Variants in PTPRD observed in about 807,000 individuals in gnomAD.
The protein encoded by PTPRD is protein tyrosine phosphatase receptor type D.
PTPRD carries 34 observed loss-of-function variants against 214.5 expected under a neutral mutation model. That is an observed-to-expected ratio of 0.16 (90% CI 0.12 to 0.21). PTPRD has a LOEUF of 0.21. PTPRD is among the 10% of genes least tolerant of loss of function. The pLI is 1.00. For synonymous variants in PTPRD, 1,128 were observed against 845.7 expected (o/e 1.33, Z -5.79); for missense variants, 2,545 against 2,398.7 (o/e 1.06, Z -1.27).
At chr9:9,236,547 A>C (rs909490575) in intron 9 of PTPRD, among the ~76,000 whole-genome samples, 3 of 150,976 alleles carry the variant, frequency 2.0e-5, no homozygotes, top group Non-Finnish European at 4.4e-5. Context: ...CCCCAGATTT[A>C]AAATTCCCTT....
At chr9:9,763,795 C>A (rs1460471597) in intron 6 of PTPRD, among the ~76,000 whole-genome samples, 1 of 151,954 alleles carries the variant, frequency 6.6e-6, no homozygotes, top group Non-Finnish European at 1.5e-5. Flanking sequence ...GTTTATTAAC[C>A]CCTAAGTACT....
intron 37 of PTPRD, among the ~76,000 whole-genome samples, chr9:8,388,035 A>G (rs2087842576): frequency 6.6e-6 from 1 of 152,160 alleles, no homozygotes; most frequent in South Asian, 2.1e-4. Flanking sequence ...ATATTTCAAC[A>G]TCTCTATACA....
intron 2 of PTPRD, among the ~76,000 whole-genome samples, chr9:10,524,301 G>T (rs116735712): frequency 0.017 from 2,622 of 152,090 alleles, 81 homozygotes; most frequent in African/African-American, 0.06. Context: ...CCGAGGCAGC[G>T]CAAAATGTGG....
intron 3 of PTPRD, among the ~76,000 whole-genome samples, chr9:10,136,418 C>G (rs914736822): frequency 1.3e-5 from 2 of 152,052 alleles, no homozygotes; most frequent in African/African-American, 2.4e-5. Flanking sequence ...ACCTAACAAC[C>G]GCAAAGTACA....
intron 11 of PTPRD, among the ~76,000 whole-genome samples, chr9:8,819,531 C>T (rs971285045): frequency 4.0e-5 from 6 of 151,886 alleles, no homozygotes; most frequent in South Asian, 2.1e-4. Context: ...CGAGGTGGCA[C>T]ATGCCTGTAG....
intron 11 of PTPRD, among the ~76,000 whole-genome samples, chr9:9,010,573 T>C (rs2099507097): frequency 2.0e-5 from 3 of 152,238 alleles, no homozygotes; most frequent in Non-Finnish European, 4.4e-5. Flanking sequence ...TGTTTTCACA[T>C]GTTGCTTTTC....
chr9:9,331,502 T>C, intron 9 of PTPRD, among the ~76,000 whole-genome samples: 1 of 152,000 alleles, frequency 6.6e-6, no homozygotes, highest in Non-Finnish European at 1.5e-5. Flanking sequence ...AATAAAGATT[T>C]CCCTTAAAAG....
chr9:8,731,924 G>C (rs1208644549), intron 12 of PTPRD, among the ~76,000 whole-genome samples: 3 of 152,182 alleles, frequency 2.0e-5, no homozygotes, highest in Non-Finnish European at 4.4e-5. Flanking sequence ...GCTATAATGG[G>C]AGGAGTGAGA....
At chr9:9,022,478 G>A (rs1292408971) in intron 10 of PTPRD, among the ~76,000 whole-genome samples, 1 of 152,084 alleles carries the variant, frequency 6.6e-6, no homozygotes, top group Non-Finnish European at 1.5e-5. Flanking sequence ...ATGTGTTAGA[G>A]TTGCTTACAG....
chr9:9,093,388 T>C (rs1363071806), intron 10 of PTPRD, among the ~76,000 whole-genome samples: 2 of 152,056 alleles, frequency 1.3e-5, no homozygotes, highest in African/African-American at 4.8e-5. Context: ...ACATAGTTTA[T>C]TCAAATGCCC....
chr9:10,524,874 G>C (rs148986098), intron 2 of PTPRD, among the ~76,000 whole-genome samples: 1 of 151,098 alleles, frequency 6.6e-6, no homozygotes, highest in African/African-American at 2.4e-5. Flanking sequence ...AGCTACAGGT[G>C]AATTTAAAAA....
intron 5 of PTPRD, among the ~76,000 whole-genome samples, chr9:9,797,402 T>C (rs2099009894): frequency 6.6e-6 from 1 of 151,852 alleles, no homozygotes; most frequent in Admixed American, 6.6e-5. Context: ...AAGAAGGTAA[T>C]TATTGTTTAA....
intron 3 of PTPRD, among the ~76,000 whole-genome samples, chr9:10,301,564 G>C (rs1351544843): frequency 1.3e-5 from 2 of 152,212 alleles, no homozygotes; most frequent in Non-Finnish European, 2.9e-5. Context: ...CCAGTATAGA[G>C]AAGAACATAA....
intron 11 of PTPRD, among the ~76,000 whole-genome samples, chr9:8,810,667 A>T (rs1258203972): frequency 6.6e-6 from 1 of 152,180 alleles, no homozygotes; most frequent in South Asian, 2.1e-4. Context: ...TTTATTTGCC[A>T]TTCTCCAGTT....
chr9:9,931,196 A>G (rs535735871), intron 5 of PTPRD, among the ~76,000 whole-genome samples: 1 of 152,334 alleles, frequency 6.6e-6, no homozygotes, highest in African/African-American at 2.4e-5. Flanking sequence ...AAAATAAAAA[A>G]AAGAATTAAA....
chr9:9,866,533 T>A (rs2153702362), intron 5 of PTPRD, among the ~76,000 whole-genome samples: 1 of 152,168 alleles, frequency 6.6e-6, no homozygotes, highest in Admixed American at 6.6e-5. Context: ...AAGAAACAGG[T>A]AATAAGATTA....
chr9:9,771,996 T>TGGTG (rs1308062780), intron 5 of PTPRD, among the ~76,000 whole-genome samples: 3 of 152,174 alleles, frequency 2.0e-5, no homozygotes, highest in African/African-American at 7.2e-5. Context: ...TTCAACATAT[T>TGGTG]GGTGTTATGC....
At chr9:8,805,622 G>C (rs1234306919) in intron 11 of PTPRD, among the ~76,000 whole-genome samples, 1 of 150,926 alleles carries the variant, frequency 6.6e-6, no homozygotes, top group Non-Finnish European at 1.5e-5. Flanking sequence ...TTTTTTCCGA[G>C]ATGGAGTTTC....
intron 27 of PTPRD, among the ~76,000 whole-genome samples, chr9:8,487,806 T>A (rs1157418617): frequency 7.2e-6 from 1 of 139,650 alleles, no homozygotes; most frequent in East Asian, 2.2e-4. Flanking sequence ...GCAAATTCCG[T>A]CTCAAAAACA....
Sources: gnomAD v4.1 joint callset for allele counts (sites outside exome capture counted in the v4.1 genomes callset) on GRCh38, gnomAD v4.1.1 for gene constraint, MANE v1.5 for transcripts, NCBI Gene and HGNC (gene_info 2026-07-23, HGNC 2026-07-21) for gene names.